The following SPMAP2 variants were observed in gnomAD, a reference collection of about 807,000 sequenced individuals.
SPMAP2 encodes the protein sperm microtubule associated protein 2.
At chr19:374,705 C>G in the SPMAP2 span, 1 of 465,082 alleles carries the variant, frequency 2.2e-6, no homozygotes, top group South Asian at 2.7e-5. Flanking sequence ...CAGCTCCCAC[C>G]TGGCGGGGCT....
chr19:364,515 T>TC, the SPMAP2 span, among the ~76,000 whole-genome samples: 1 of 140,282 alleles, frequency 7.1e-6, no homozygotes, highest in African/African-American at 2.6e-5. Context: ...ACCCCATCTC[T>TC]AAAAAAAAAA....
chr19:365,311 C>T, the SPMAP2 span, among the ~76,000 whole-genome samples: 1 of 152,360 alleles, frequency 6.6e-6, no homozygotes, highest in Non-Finnish European at 1.5e-5. Flanking sequence ...GGGGGCCAAG[C>T]AGTGGGGCCC....
chr19:361,942 C>T, the SPMAP2 span: 8,678 of 272,336 alleles, frequency 0.032, 842 homozygotes, highest in African/African-American at 0.11. Context: ...CCGACTCCGA[C>T]GGTCCCGTGG....
chr19:373,896 T>C, the SPMAP2 span: 1 of 1,583,146 alleles, frequency 6.3e-7, no homozygotes, highest in South Asian at 1.1e-5. Context: ...ACCTGACACG[T>C]GTCCCCCAGC....
the SPMAP2 span, chr19:367,219 G>A: frequency 6.3e-7 from 1 of 1,595,274 alleles, no homozygotes; most frequent in Non-Finnish European, 8.5e-7. Flanking sequence ...TGGATACCTG[G>A]GACACCTGGA....
the SPMAP2 span, chr19:374,635 G>C: frequency 3.3e-6 from 2 of 603,468 alleles, no homozygotes; most frequent in Non-Finnish European, 5.7e-6. Flanking sequence ...TGGAAGACCC[G>C]TCCAGGTCAC....
At chr19:362,423 G>C in the SPMAP2 span, 1 of 1,599,508 alleles carries the variant, frequency 6.3e-7, no homozygotes, top group Non-Finnish European at 8.5e-7. Context: ...CTGAGCTTTG[G>C]GCCCTAGTGG....
At chr19:374,191 G>A in the SPMAP2 span, 1 of 1,541,946 alleles carries the variant, frequency 6.5e-7, no homozygotes, top group Non-Finnish European at 8.8e-7. Context: ...GGATGTGGTG[G>A]CAGCTGGGGG....
chr19:367,717 C>T, the SPMAP2 span, among the ~76,000 whole-genome samples: 4 of 152,104 alleles, frequency 2.6e-5, no homozygotes, highest in South Asian at 6.2e-4. Flanking sequence ...GGGACTCCTG[C>T]GCTTGACCCG....
chr19:370,211 A>G, the SPMAP2 span, among the ~76,000 whole-genome samples: 1 of 152,242 alleles, frequency 6.6e-6, no homozygotes, highest in Non-Finnish European at 1.5e-5. Context: ...CGGCGCCGTC[A>G]CTTTGGACAA....
chr19:364,757 C>T, the SPMAP2 span, among the ~76,000 whole-genome samples: 111 of 152,028 alleles, frequency 7.3e-4, no homozygotes, highest in African/African-American at 2.4e-3. Context: ...TCCTGGTACC[C>T]CCTTCTCACC....
chr19:373,322 C>T, the SPMAP2 span: 35 of 734,190 alleles, frequency 4.8e-5, no homozygotes, highest in Non-Finnish European at 7.8e-5. Flanking sequence ...TCAGCTCTAG[C>T]TCCTCAGGGG....
the SPMAP2 span, among the ~76,000 whole-genome samples, chr19:365,603 A>ACACACT: frequency 9.6e-5 from 9 of 93,558 alleles, no homozygotes; most frequent in South Asian, 7.5e-4. Context: ...ACATACAGCC[A>ACACACT]CACTCTTACC....
At chr19:369,066 A>C in the SPMAP2 span, among the ~76,000 whole-genome samples, 2 of 152,206 alleles carry the variant, frequency 1.3e-5, no homozygotes, top group Non-Finnish European at 2.9e-5. Flanking sequence ...TTCGTGTTTT[A>C]AAATGTCCTT....
chr19:367,254 G>A, the SPMAP2 span: 80 of 1,565,324 alleles, frequency 5.1e-5, no homozygotes, highest in Non-Finnish European at 6.4e-5. Context: ...GAAGGGTTAC[G>A]TGAAACAGTC....
At chr19:372,631 C>G in the SPMAP2 span, 1 of 1,613,846 alleles carries the variant, frequency 6.2e-7, no homozygotes, top group Non-Finnish European at 8.5e-7. Context: ...CTTCCCCCAC[C>G]TGTTGTTGTT....
the SPMAP2 span, among the ~76,000 whole-genome samples, chr19:375,420 G>A: frequency 6.6e-6 from 1 of 152,136 alleles, no homozygotes; most frequent in South Asian, 2.1e-4. Context: ...TCCTCCTCCT[G>A]CCACCAGATA....
chr19:362,629 G>A, the SPMAP2 span, among the ~76,000 whole-genome samples: 10 of 152,142 alleles, frequency 6.6e-5, no homozygotes, highest in African/African-American at 9.6e-5. Context: ...TTAGCTGAGC[G>A]TGGTGGTGCG....
At chr19:371,233 T>C in the SPMAP2 span, 1 of 1,495,560 alleles carries the variant, frequency 6.7e-7, no homozygotes, top group Non-Finnish European at 9.0e-7. Flanking sequence ...CCAGAAGTTA[T>C]CACGAATCTT....
Sources: allele counts gnomAD v4.1 joint callset (sites outside exome capture counted in the v4.1 genomes callset), GRCh38; gene constraint gnomAD v4.1.1; transcripts MANE v1.5; gene names NCBI Gene and HGNC (gene_info 2026-07-23, HGNC 2026-07-21).